The following TAF2 variants were observed in gnomAD, a reference collection of about 807,000 sequenced individuals.
The protein encoded by TAF2 is transcription initiation factor TFIID subunit 2.
TAF2 carries 61 observed loss-of-function variants against 138.5 expected under a neutral mutation model. That is an observed-to-expected ratio of 0.44 (90% confidence interval 0.36 to 0.54). TAF2 has a LOEUF of 0.54. Ranked by LOEUF, TAF2 falls within the 20% of genes least tolerant of loss-of-function variation. TAF2 has a pLI of 0.00. For missense variants in TAF2, 1,090 were observed against 1,427.9 expected (o/e 0.76, Z 3.81); for synonymous variants, 475 against 469.9 (o/e 1.01, Z -0.14).
chr8:119,819,746 A>G (rs1158673412), intron 2 of TAF2, among the ~76,000 whole-genome samples: 4 of 152,148 alleles, frequency 2.6e-5, no homozygotes, highest in Non-Finnish European at 5.9e-5. Context: ...AGTGAAAATT[A>G]GGCAGTCAGA....
At position 119,731,686 on chromosome 8, in the gene TAF2, T is replaced by A; in HGVS notation, c.*238A>T. The A allele has an allele frequency of 1.9e-6, 1 of 537,102 alleles. No homozygotes were observed. The highest frequency in any genetic ancestry group is 3.3e-6 in the Non-Finnish European group (1 of 299,366). The allele number at this position is 537,102 out of a possible 1,614,324, so 33.3% of individuals were successfully genotyped here. A position where few individuals can be genotyped will look rare whatever the true frequency, so the allele number is the denominator to read the frequency against. On this transcript the variant is annotated 3_prime_UTR_variant, in exon 26 of 26. Transcript: ENST00000378164. ...AAAGGGAGTTTGCTCTGTGTGTGTG[T>A]TTTGGGGAGGAAACAGCGGATGAAA...
intron 22 of TAF2, among the ~76,000 whole-genome samples, chr8:119,749,006 A>C (rs1007870785): frequency 2.0e-5 from 3 of 152,166 alleles, no homozygotes; most frequent in Admixed American, 2.0e-4. Flanking sequence ...CAATGTCGCC[A>C]TGATTATGTG....
chr8:119,830,370 G>A lies in TAF2; in HGVS notation c.138+1307C>T, dbSNP rs138742392. Among the ~76,000 whole-genome samples, 3 of 152,150 alleles carry A rather than the reference G, an allele frequency of 2.0e-5. No individual in the cohort carries two copies. In the East Asian group the frequency reaches 5.8e-4, roughly 29 times the overall value. ...AATATATGTTCACTAATTCAATCAT[G>A]TCAACTCTATTTCAATTCCATTTTC... On this transcript the variant is annotated intron_variant, in intron 2 of 25. Transcript: ENST00000378164.
rs1818882268 is a variant in TAF2, at chr8:119,731,606, C to T, written c.*318G>A. Reference sequence around the variant, plus strand: ...TCAAACATAATTGACTTTGGCGGTACACATGGAGACCATGATGCGAACGGG... The same window carrying T: ...TCAAACATAATTGACTTTGGCGGTATACATGGAGACCATGATGCGAACGGG... On this transcript the variant is annotated 3_prime_UTR_variant, in exon 26 of 26. Transcript: ENST00000378164. The T allele has an allele frequency of 2.8e-6, 1 of 355,482 alleles. No homozygotes were observed. The highest frequency in any genetic ancestry group is 2.1e-5 in the African/African-American group (1 of 48,226). 22.0% of individuals were successfully genotyped at this position (355,482 alleles called of 1,614,324 possible).
rs1822939813 is a variant in TAF2, at chr8:119,785,249, A to AT, written c.1810dup (p.Ile604AsnfsTer10). On this transcript the variant is annotated frameshift_variant, in exon 15 of 26. Coordinates refer to ENST00000378164, the MANE Select transcript of TAF2 (RefSeq NM_003184.4). LOFTEE classifies it high-confidence loss of function. ...AACTTCTTCTCCATTCATCAGTGGGATTTTTTTCTTTTTATTCCTACATTT... is the reference window on the plus strand; with the variant it reads ...AACTTCTTCTCCATTCATCAGTGGGATTTTTTTTCTTTTTATTCCTACATTT... 5 of 1,612,514 alleles carry AT rather than the reference A, an allele frequency of 3.1e-6. No individual in the cohort carries two copies. Among genetic ancestry groups the AT allele is most frequent in the Admixed American group, 1.7e-5 (1 of 59,936 alleles).
In TAF2 at chr8:119,801,944, A is replaced by G; in HGVS notation, c.642T>C (p.Ala214=). 1.9e-6 allele frequency: 3 copies of G among 1,614,214 alleles called. No individual in the cohort carries two copies. Among genetic ancestry groups the G allele is most frequent in the Non-Finnish European group, 2.5e-6 (3 of 1,180,034 alleles). ...TCTCCACCAAATCGCCATTAGAAACAGCAACCATTGCAGCATCTACTGTAA... is the reference window on the plus strand; with the variant it reads ...TCTCCACCAAATCGCCATTAGAAACGGCAACCATTGCAGCATCTACTGTAA... ...LEFTVDAAMV[A]VSNGDLVETV... is the part of the protein sequence containing the mutation. The change falls in exon 6 of 26, where the codon GCT becomes GCC. Residue 214 remains alanine (A), a synonymous_variant. Transcript: ENST00000378164.
In TAF2 at chr8:119,779,078, CTT is replaced by C. The variant is rs567316233; in HGVS notation, c.2254-951_2254-950del. 5.3e-5 allele frequency among the ~76,000 whole-genome samples: 8 copies of C among 152,144 alleles called. No homozygotes were observed. In the South Asian group the frequency reaches 6.2e-4, roughly 12 times the overall value. ...GGCGCTTTTCCGTAGAAATACCTGT[CTT>C]ATGCCTTTTCTGCCCTTTGAGACTC... is the stretch of plus-strand genomic sequence containing the variant. On this transcript the variant is annotated intron_variant, in intron 17 of 25. Transcript: ENST00000378164.
At chr8:119,799,223 T>C (rs1329039639) in intron 6 of TAF2, among the ~76,000 whole-genome samples, 1 of 152,172 alleles carries the variant, frequency 6.6e-6, no homozygotes, top group Non-Finnish European at 1.5e-5. Context: ...AGGTTAAATA[T>C]GTATACATGT....
rs758606267 is a variant in TAF2, at chr8:119,758,133, C to T, written c.2708G>A (p.Ser903Asn). ...AVVDYTKVDRSYEELQWLLNM... is the reference protein window; with the variant it reads ...AVVDYTKVDRNYEELQWLLNM... ...AAGTAGCCATTGCAGTTCTTCATAACTTCTGTCCACTGAAAATAAAAGAAA... is the reference window on the plus strand; with the variant it reads ...AAGTAGCCATTGCAGTTCTTCATAATTTCTGTCCACTGAAAATAAAAGAAA... The change falls in exon 21 of 26, where the codon AGT (serine) becomes AAT (asparagine). Residue 903 changes from serine (S) to asparagine (N), a missense_variant. Physicochemically the swap from Ser to Asn is conservative, Grantham distance 46. Coordinates refer to ENST00000378164, the MANE Select transcript of TAF2 (RefSeq NM_003184.4). The T allele has an allele frequency of 1.2e-6, 2 of 1,611,372 alleles. No homozygotes were observed. Among genetic ancestry groups the T allele is most frequent in the African/African-American group, 2.7e-5 (2 of 74,842 alleles).
At chr8:119,812,218 C>T (rs895704026) in intron 3 of TAF2, among the ~76,000 whole-genome samples, 13 of 152,108 alleles carry the variant, frequency 8.5e-5, no homozygotes, top group Non-Finnish European at 1.6e-4. Context: ...TGAGTTATAG[C>T]ATCCTATGTG....
intron 3 of TAF2, among the ~76,000 whole-genome samples, chr8:119,808,523 C>G (rs899832986): frequency 6.6e-6 from 1 of 152,170 alleles, no homozygotes; most frequent in African/African-American, 2.4e-5. Context: ...TCATGAATGT[C>G]CTTAATGGCA....
At chr8:119,762,277 A>G (rs904785835) in intron 19 of TAF2, 138 bp downstream of exon 19, 3 of 789,800 alleles carry the variant, frequency 3.8e-6, no homozygotes, top group Admixed American at 2.9e-5. Flanking sequence ...CTAATAATTT[A>G]TCTGTGGGTG....
At chr8:119,766,448 A>T (rs1033511035) in intron 18 of TAF2, among the ~76,000 whole-genome samples, 5 of 152,214 alleles carry the variant, frequency 3.3e-5, no homozygotes, top group Admixed American at 2.0e-4. Context: ...TGAATATTTT[A>T]CATCATAAAG....
chr8:119,815,499 C>T (rs1417917887), intron 3 of TAF2, among the ~76,000 whole-genome samples: 1 of 151,798 alleles, frequency 6.6e-6, no homozygotes, highest in Non-Finnish European at 1.5e-5. Context: ...TGGTCTCGAT[C>T]CCCTGACCTC....
chr8:119,825,467 A>C (rs550948419), intron 2 of TAF2, among the ~76,000 whole-genome samples: 8 of 151,918 alleles, frequency 5.3e-5, no homozygotes, highest in Admixed American at 4.6e-4. Flanking sequence ...ATTTTGGGGG[A>C]CTGTTGGGAA....
At position 119,765,891 on chromosome 8, in the gene TAF2, C is replaced by T. The variant is rs948447491; in HGVS notation, c.2365-3283G>A. On this transcript the variant is annotated intron_variant, in intron 18 of 25. Coordinates refer to ENST00000378164, the MANE Select transcript of TAF2 (RefSeq NM_003184.4). Reference sequence around the variant, plus strand: ...AGATAGAGGTACTATTACTAACACGCTTTTTCTTAATAGATGAAGAAACTA... The same window carrying T: ...AGATAGAGGTACTATTACTAACACGTTTTTTCTTAATAGATGAAGAAACTA... 5.9e-5 allele frequency among the ~76,000 whole-genome samples: 9 copies of T among 152,258 alleles called. 1 individual carries two copies. The highest frequency in any genetic ancestry group is 6.8e-3 in the Middle Eastern group (2 of 294).
chr8:119,784,217 G>C (rs975773603), intron 15 of TAF2, among the ~76,000 whole-genome samples: 2 of 152,092 alleles, frequency 1.3e-5, no homozygotes, highest in African/African-American at 4.8e-5. Flanking sequence ...ATATTATTGT[G>C]TACTTACTAC....
intron 4 of TAF2, among the ~76,000 whole-genome samples, chr8:119,804,251 T>C (rs187939006): frequency 2.6e-5 from 4 of 152,200 alleles, no homozygotes; most frequent in Admixed American, 2.6e-4. Context: ...CTTGTATTAT[T>C]TTCCCAAAAT....
chr8:119,760,724 A>G lies in TAF2; in HGVS notation c.2573T>C (p.Ile858Thr). Residue 858 changes from isoleucine (I) to threonine (T), a missense_variant, in exon 20 of 26, where the codon ATA becomes ACA. By Grantham distance (89) the Ile-to-Thr change is moderately conservative. This residue lies in a region of TAF2 where 580 missense variants were observed against 719.6 expected (regional missense o/e 0.81). Transcript: ENST00000378164. Reference sequence around the variant, plus strand: ...ATGTCCGTTCTTCTGAAGTACCCGTATGGCTCTCAAACAACTAGGGAAAAA... The same window carrying G: ...ATGTCCGTTCTTCTGAAGTACCCGTGTGGCTCTCAAACAACTAGGGAAAAA... ...HTITVSCLRA[I>T]RVLQKNGHVP... 1 of 1,613,954 alleles carries G rather than the reference A, an allele frequency of 6.2e-7. No individual in the cohort carries two copies. The highest frequency in any genetic ancestry group is 1.1e-5 in the South Asian group (1 of 91,082).
Sources: allele counts gnomAD v4.1 joint callset (sites outside exome capture counted in the v4.1 genomes callset), GRCh38; gene constraint gnomAD v4.1.1; regional missense constraint gnomAD v4.1.1; transcripts MANE v1.5; gene names NCBI Gene and HGNC (gene_info 2026-07-23, HGNC 2026-07-21).